MYH8: variants seen among roughly 807,000 people sequenced by gnomAD.
The protein encoded by MYH8 is myosin heavy chain 8.
In MYH8, 168 loss-of-function variants were observed where a neutral mutation model predicts 233.2. The ratio of observed to expected loss-of-function variants is 0.72; its 90% confidence interval spans 0.64 to 0.82. The LOEUF is 0.82. Ranked by LOEUF, MYH8 falls within the 40% of genes least tolerant of loss-of-function variation. The probability of loss-of-function intolerance (pLI) is 0.00; values close to 1 mark genes in which losing one functional copy is unlikely to be tolerated. For synonymous variants in MYH8, 785 were observed against 850.6 expected (o/e 0.92, Z 1.34); for missense variants, 1,995 against 2,327.8 (o/e 0.86, Z 2.94).
At position 10,393,761 on chromosome 17, in the gene MYH8, G is replaced by T. The variant is rs932461967; in HGVS notation, c.5166+488C>A. On this transcript the variant is annotated intron_variant, in intron 35 of 39. Coordinates refer to ENST00000403437, the MANE Select transcript of MYH8 (RefSeq NM_002472.3). ...TTTTGGTTGTCAAAATGACTAGGGG[G>T]TGCTACTGCATTTAATGCCTGGGCA... Among the ~76,000 whole-genome samples the T allele has an allele frequency of 9.2e-5, 14 of 152,262 alleles. 1 individual carries two copies. The highest frequency in any genetic ancestry group is 7.8e-4 in the Admixed American group (12 of 15,290).
chr17:10,416,760 A>G (rs2072293454), intron 5 of MYH8, among the ~76,000 whole-genome samples: 2 of 152,214 alleles, frequency 1.3e-5, no homozygotes, highest in Admixed American at 1.3e-4. Flanking sequence ...CATCATACAG[A>G]TGCAATGGTT....
Position 10,392,919 on chromosome 17 carries a change from G to A in MYH8, c.5375C>T (p.Thr1792Met), listed in dbSNP as rs144962215. Residue 1792 changes from threonine (T) to methionine (M), a missense_variant, in exon 37 of 40, where the codon ACG (threonine) becomes ATG (methionine). Physicochemically the swap from Thr to Met is moderately conservative, Grantham distance 81. Coordinates refer to ENST00000403437, the MANE Select transcript of MYH8 (RefSeq NM_002472.3). ...TAGACGATGCTGCAGGTCCTTCACCGTCTGCTCCAGGTTCTTCTTCATCCG... is the reference window on the plus strand; with the variant it reads ...TAGACGATGCTGCAGGTCCTTCACCATCTGCTCCAGGTTCTTCTTCATCCG... ...LERMKKNLEQ[T>M]VKDLQHRLDE... is the part of the protein sequence containing the mutation. 20 of 1,614,034 alleles carry A rather than the reference G, an allele frequency of 1.2e-5. No homozygotes were observed. Among genetic ancestry groups the A allele is most frequent in the East Asian group, 4.5e-5 (2 of 44,898 alleles).
chr17:10,409,257 A>G, intron 16 of MYH8, 22 bp downstream of exon 16: 1 of 1,613,968 alleles, frequency 6.2e-7, no homozygotes, highest in Non-Finnish European at 8.5e-7. Context: ...GATTTAATTT[A>G]GATTAAGGAC....
At chr17:10,414,338 G>A (rs1324897459) in intron 10 of MYH8, 43 bp from the exon 11 acceptor site, 4 of 1,602,226 alleles carry the variant, frequency 2.5e-6, no homozygotes, top group Middle Eastern at 1.7e-4. Context: ...ATTAGACATT[G>A]TTAATAAAAA....
intron 5 of MYH8, among the ~76,000 whole-genome samples, 163 bp downstream of exon 5, chr17:10,418,482 G>A (rs1015071983): frequency 7.2e-5 from 11 of 152,208 alleles, no homozygotes; most frequent in Non-Finnish European, 1.3e-4. Flanking sequence ...GGTAGCTGCT[G>A]GGAAGAGCAT....
In MYH8 at chr17:10,400,435, C is replaced by T. The variant is rs746960263; in HGVS notation, c.3690G>A (p.Glu1230=). ...LEKEKSELKM[E]TDDLSSNAEA... ...CTGCGTTACTGCTGAGGTCATCAGT[C>T]TCCATCTTCAGCTCACTCTTCTCCT... The change falls in exon 27 of 40, where the codon GAG becomes GAA. Residue 1230 remains glutamate, a synonymous_variant. Coordinates refer to ENST00000403437, the MANE Select transcript of MYH8 (RefSeq NM_002472.3). The surrounding 1 kb of genome is among the most constrained non-coding windows in gnomAD (Gnocchi z 4.0). 1.2e-6 allele frequency: 2 copies of T among 1,614,016 alleles called. No individual in the cohort carries two copies. Among genetic ancestry groups the T allele is most frequent in the South Asian group, 1.1e-5 (1 of 91,072 alleles).
intron 17 of MYH8, among the ~76,000 whole-genome samples, chr17:10,407,212 T>G (rs1302905541): frequency 6.6e-6 from 1 of 152,186 alleles, no homozygotes; most frequent in Admixed American, 6.5e-5. Context: ...ACCAGGGATC[T>G]GTCTCATAAA....
chr17:10,403,988 A>C (rs906818023), intron 22 of MYH8, among the ~76,000 whole-genome samples: 2 of 152,220 alleles, frequency 1.3e-5, no homozygotes, highest in African/African-American at 4.8e-5. Flanking sequence ...ATAGACTTGC[A>C]TTTAGAAAAT....
chr17:10,394,542 G>T, intron 34 of MYH8, 90 bp from the exon 35 acceptor site: 1 of 1,468,864 alleles, frequency 6.8e-7, no homozygotes, highest in Admixed American at 1.9e-5. Context: ...CTGGTGACAG[G>T]AACAGAAGAT....
intron 21 of MYH8, among the ~76,000 whole-genome samples, chr17:10,405,677 A>G (rs1240500687): frequency 1.3e-5 from 2 of 152,222 alleles, no homozygotes; most frequent in African/African-American, 4.8e-5. Flanking sequence ...GAAGATAAGC[A>G]AATGAGAGAT....
rs1254267380 is a variant in MYH8, at chr17:10,400,670, C to T, written c.3455G>A (p.Arg1152Lys). 3 of 1,614,116 alleles carry T rather than the reference C, an allele frequency of 1.9e-6. No individual in the cohort carries two copies. The highest frequency in any genetic ancestry group is 1.7e-6 in the Non-Finnish European group (2 of 1,180,056). Reference sequence around the variant, plus strand: ...AGTTGCCCCACCGGCTTCTTCCAGCCTCTCGCTGATCTCCTCCAGTTCCCG... The same window carrying T: ...AGTTGCCCCACCGGCTTCTTCCAGCTTCTCGCTGATCTCCTCCAGTTCCCG... ...LSRELEEISERLEEAGGATSA... is the reference protein window; with the variant it reads ...LSRELEEISEKLEEAGGATSA... Residue 1152 changes from arginine to lysine, a missense_variant, in exon 27 of 40, where the codon AGG becomes AAG. By Grantham distance (26) the Arg-to-Lys change is conservative. Transcript: ENST00000403437. The surrounding 1 kb of genome is among the most constrained non-coding windows in gnomAD (Gnocchi z 4.0).
Position 10,400,749 on chromosome 17 carries a change from C to T in MYH8, c.3376G>A (p.Glu1126Lys), listed in dbSNP as rs748982401. The T allele has an allele frequency of 8.1e-6, 13 of 1,614,050 alleles. No individual in the cohort carries two copies. In the East Asian group the frequency reaches 2.9e-4, roughly 36 times the overall value. The change falls in exon 27 of 40, where the codon GAG (glutamate) becomes AAG (lysine). Residue 1126 changes from glutamate (E) to lysine (K), a missense_variant. Physicochemically the swap from Glu to Lys is moderately conservative, Grantham distance 56. This residue lies in a region of MYH8 where 1,498 missense variants were observed against 1,680.9 expected (regional missense o/e 0.89). Transcript: ENST00000403437. The surrounding 1 kb of genome is among the most constrained non-coding windows in gnomAD (Gnocchi z 4.0). The part of the protein sequence containing the change: ...ARIEELGEEI[E>K]AERASRAKAE... ...TTGGCTCGGGACGCCCTCTCTGCCT[C>T]GATTTCTTCCCCCAGCTCCTCAATG...
intron 35 of MYH8, among the ~76,000 whole-genome samples, chr17:10,393,865 G>T (rs2072052655): frequency 6.6e-6 from 1 of 152,070 alleles, no homozygotes; most frequent in African/African-American, 2.4e-5. Context: ...CTACCAATGA[G>T]AAACACTGCA....
rs1185596349 is a variant in MYH8, at chr17:10,401,467, AAG to A, written c.2932-18_2932-17del. 11 of 1,614,020 alleles carry A rather than the reference AAG, an allele frequency of 6.8e-6. No individual in the cohort carries two copies. In the Admixed American group the frequency reaches 1.0e-4, roughly 15 times the overall value. ...GATTTTTCACCTACAAAGGTTAAGA[AAG>A]AGATTATTTCTCCTATAAAGCAATT... On this transcript the variant is annotated splice_polypyrimidine_tract_variant and intron_variant, in intron 23 of 39. Coordinates refer to ENST00000403437, the MANE Select transcript of MYH8 (RefSeq NM_002472.3).
At chr17:10,414,855 C>T (rs1006064931) in intron 9 of MYH8, among the ~76,000 whole-genome samples, 8 of 152,014 alleles carry the variant, frequency 5.3e-5, no homozygotes, top group Non-Finnish European at 1.0e-4. Flanking sequence ...CCATAAGTAG[C>T]CCAGTTTTTG....
At chr17:10,398,994 G>GTGTGTATATATATATATA (rs1555555758) in intron 28 of MYH8, 108 bp from the exon 29 acceptor site, 3 of 305,196 alleles carry the variant, frequency 9.8e-6, no homozygotes, top group African/African-American at 4.8e-5. Flanking sequence ...ATGTGTGTGT[G>GTGTGTATATATATATATA]TATATATATA....
rs1312276664 is a variant in MYH8 at position 10,404,232 on chromosome 17, GA to G, written c.2688+97del. On this transcript the variant is annotated intron_variant, in intron 22 of 39. Coordinates refer to ENST00000403437, the MANE Select transcript of MYH8 (RefSeq NM_002472.3). ...TGAGGTATTAAAAACAGCAACTTGA[GA>G]TTTTTTTTCAAGTAGAGATCATTTG... 73 of 1,490,426 alleles carry G rather than the reference GA, an allele frequency of 4.9e-5. No individual in the cohort carries two copies. In the East Asian group the frequency reaches 9.6e-4, roughly 20 times the overall value. The allele number at this position is 1,490,426 out of a possible 1,614,324, so 92.3% of individuals were successfully genotyped here.
At chr17:10,411,597 C>T (rs2072245435) in intron 14 of MYH8, among the ~76,000 whole-genome samples, 1 of 152,148 alleles carries the variant, frequency 6.6e-6, no homozygotes, top group Non-Finnish European at 1.5e-5. Context: ...TGGAAATTCT[C>T]ACTTCTTTCA....
chr17:10,410,762 G>A lies in MYH8; in HGVS notation c.1587+15C>T, dbSNP rs752670326. On this transcript the variant is annotated intron_variant, in intron 15 of 39. Transcript: ENST00000403437. The stretch of plus-strand genomic sequence containing the variant: ...TGATCCTCACAGTCTGCCCTTCTTT[G>A]GAAACCAAACCGACCTTCTCAATGA... 1.2e-6 allele frequency: 2 copies of A among 1,613,880 alleles called. No individual in the cohort carries two copies. Among genetic ancestry groups the A allele is most frequent in the Non-Finnish European group, 1.7e-6 (2 of 1,179,850 alleles).
Sources: allele counts gnomAD v4.1 joint callset (sites outside exome capture counted in the v4.1 genomes callset), GRCh38; gene constraint gnomAD v4.1.1; regional missense constraint gnomAD v4.1.1; non-coding constraint Gnocchi (gnomAD v3.1); transcripts MANE v1.5; gene names NCBI Gene and HGNC (gene_info 2026-07-23, HGNC 2026-07-21).